Variants in GSR observed in about 807,000 individuals in gnomAD.
GSR encodes the protein glutathione-disulfide reductase, also known as glutathione reductase, mitochondrial.
Under a neutral mutation model 56.5 loss-of-function variants are expected in GSR, and 48 were observed. The ratio of observed to expected loss-of-function variants is 0.85; its 90% CI spans 0.67 to 1.08. The LOEUF is 1.08. Ranked by LOEUF, GSR falls within the 50% of genes least tolerant of loss-of-function variation. GSR has a pLI of 0.00. For missense variants in GSR, 694 were observed against 703.3 expected, an observed-to-expected ratio of 0.99 and a Z score of 0.15; for synonymous variants, 264 against 270.8, an observed-to-expected ratio of 0.97 and a Z score of 0.25.
At chr8:30,727,485 G>A (rs1411522339) in intron 1 of GSR, 45 bp downstream of exon 1, 1 of 1,504,014 alleles carries the variant, frequency 6.6e-7, no homozygotes, top group Non-Finnish European at 8.9e-7. Flanking sequence ...CCGAAAGACC[G>A]AGACAAAGAG....
Position 30,682,088 on chromosome 8 carries a change from T to C in GSR, c.1154-27A>G, listed in dbSNP as rs756744636. The stretch of plus-strand genomic sequence containing the variant: ...TATGGAGATATTTTAAAATCAGTGT[T>C]TATCTTACTGTCTGTTTTAACATAG... On this transcript the variant is annotated intron_variant, in intron 10 of 12. Coordinates refer to ENST00000221130, the MANE Select transcript of GSR (RefSeq NM_000637.5). 11 of 1,602,242 alleles carry C rather than the reference T, an allele frequency of 6.9e-6. No homozygotes were observed. In the South Asian group the frequency reaches 1.1e-4, roughly 16 times the overall value.
At chr8:30,711,641 G>A (rs948580739) in intron 2 of GSR, among the ~76,000 whole-genome samples, 1 of 152,068 alleles carries the variant, frequency 6.6e-6, no homozygotes, top group African/African-American at 2.4e-5. Flanking sequence ...AGACCAGCCT[G>A]GCCAACACGG....
intron 1 of GSR, among the ~76,000 whole-genome samples, chr8:30,718,245 G>A (rs535224790): frequency 7.2e-4 from 109 of 152,198 alleles, no homozygotes; most frequent in African/African-American, 2.2e-3. Context: ...AAAAAGGCTG[G>A]GGACTGCTGC....
At chr8:30,684,687 T>A (rs935412083) in intron 9 of GSR, among the ~76,000 whole-genome samples, 3 of 152,092 alleles carry the variant, frequency 2.0e-5, no homozygotes, top group Non-Finnish European at 4.4e-5. Flanking sequence ...TTTCAACTTG[T>A]CCCATGGAAG....
chr8:30,699,849 T>C (rs753649081), intron 6 of GSR, among the ~76,000 whole-genome samples: 1 of 152,156 alleles, frequency 6.6e-6, no homozygotes, highest in Non-Finnish European at 1.5e-5. Flanking sequence ...TGCTATGCAG[T>C]CTTCAAATTA....
At chr8:30,708,674 A>G (rs1233573429) in intron 3 of GSR, among the ~76,000 whole-genome samples, 1 of 152,082 alleles carries the variant, frequency 6.6e-6, no homozygotes, top group African/African-American at 2.4e-5. Context: ...AGGTAAAAAC[A>G]GGCCGGGCGC....
At position 30,710,112 on chromosome 8, in the gene GSR, TCGGGACCAGCC is replaced by T. The variant is rs1804078572; in HGVS notation, c.334-221_334-211del. On this transcript the variant is annotated intron_variant, in intron 2 of 12. Transcript: ENST00000221130. ...AGGTGGATCACTTGAGGTCAAGAGT[TCGGGACCAGCC>T]TGGCCAACATGGCAAAACCCCATCT... is the stretch of plus-strand genomic sequence containing the variant. Among the ~76,000 whole-genome samples, 6 of 151,942 alleles carry T rather than the reference TCGGGACCAGCC, an allele frequency of 3.9e-5. No homozygotes were observed. The South Asian group carries it at 1.0e-3, about 26-fold the overall frequency.
At chr8:30,691,798 C>A (rs1371428940) in intron 8 of GSR, among the ~76,000 whole-genome samples, 1 of 151,676 alleles carries the variant, frequency 6.6e-6, no homozygotes, top group Non-Finnish European at 1.5e-5. Flanking sequence ...GTTTTAAAAT[C>A]CAAATTTAAA....
At chr8:30,707,963 A>T in intron 4 of GSR, 109 bp downstream of exon 4, 1 of 673,644 alleles carries the variant, frequency 1.5e-6, no homozygotes. Flanking sequence ...TCTCCAAAAA[A>T]ATAATAATAA....
chr8:30,689,576 C>T (rs575298456), intron 8 of GSR, among the ~76,000 whole-genome samples: 3 of 151,996 alleles, frequency 2.0e-5, no homozygotes, highest in East Asian at 1.9e-4. Context: ...CATTGTAATG[C>T]CTCACTTTAA....
intron 6 of GSR, among the ~76,000 whole-genome samples, chr8:30,697,906 G>A (rs1171086802): frequency 1.3e-5 from 2 of 152,054 alleles, no homozygotes; most frequent in South Asian, 2.1e-4. Context: ...GCCTAGGCTG[G>A]TTTCAAACTC....
intron 1 of GSR, among the ~76,000 whole-genome samples, chr8:30,723,552 AGGCTGAGGCGGGT>A (rs1804620342): frequency 6.6e-6 from 1 of 152,046 alleles, no homozygotes; most frequent in South Asian, 2.1e-4. Context: ...GCACTTTGGG[AGGCTGAGGCGGGT>A]GGATCACTTT....
In GSR at chr8:30,679,570, T is replaced by G. The variant is rs1802870539; in HGVS notation, c.1519A>C (p.Thr507Pro). The G allele has an allele frequency of 1.9e-6, 3 of 1,614,128 alleles. No homozygotes were observed. Among genetic ancestry groups the G allele is most frequent in the Non-Finnish European group, 2.5e-6 (3 of 1,180,012 alleles). ...GAAGAGGTAGGGTGAATGGCGACTGTGTTGTCAAAGTCTGCCTTCGTTGCT... is the reference window on the plus strand; with the variant it reads ...GAAGAGGTAGGGTGAATGGCGACTGGGTTGTCAAAGTCTGCCTTCGTTGCT... ...MGATKADFDN[T>P]VAIHPTSSEE... The change falls in exon 13 of 13, where the codon ACA (threonine) becomes CCA (proline). Residue 507 changes from threonine to proline, a missense_variant. Transcript: ENST00000221130.
intron 2 of GSR, among the ~76,000 whole-genome samples, chr8:30,711,144 G>A (rs1804129333): frequency 6.6e-6 from 1 of 152,062 alleles, no homozygotes; most frequent in South Asian, 2.1e-4. Context: ...AAGACTTTTT[G>A]GAATTAAACT....
chr8:30,685,747 G>A (rs200062371), intron 9 of GSR, among the ~76,000 whole-genome samples: 2 of 151,874 alleles, frequency 1.3e-5, no homozygotes, highest in South Asian at 2.1e-4. Context: ...AGGCCAAGGC[G>A]GGCGGATCAC....
chr8:30,719,930 G>A (rs1408586816), intron 1 of GSR, among the ~76,000 whole-genome samples: 1 of 152,264 alleles, frequency 6.6e-6, no homozygotes, highest in South Asian at 2.1e-4. Flanking sequence ...GTGAACTTGC[G>A]GCTGGGTGTG....
chr8:30,680,964 T>C lies in GSR; in HGVS notation c.1359A>G (p.Ala453=), dbSNP rs1802933057. 3 of 1,612,606 alleles carry C rather than the reference T, an allele frequency of 1.9e-6. No homozygotes were observed. The highest frequency in any genetic ancestry group is 2.5e-6 in the Non-Finnish European group (3 of 1,178,646). ...YSTSFTPMYH[A]VTKRKTKCVM... ...CACATTTTGTTTTCCTTTTGGTAAC[T>C]GCGTGATACATCGGGGTAAAGCTCG... Residue 453 remains alanine, a synonymous_variant, in exon 12 of 13, where the codon GCA becomes GCG. Coordinates refer to ENST00000221130, the MANE Select transcript of GSR (RefSeq NM_000637.5).
rs533732113 is a variant in GSR at position 30,684,992 on chromosome 8, T to C, written c.1042-793A>G. 1.7e-4 allele frequency among the ~76,000 whole-genome samples: 25 copies of C among 149,516 alleles called. No individual in the cohort carries two copies. In the East Asian group the frequency reaches 3.5e-3, roughly 21 times the overall value. On this transcript the variant is annotated intron_variant, in intron 9 of 12. Coordinates refer to ENST00000221130, the MANE Select transcript of GSR (RefSeq NM_000637.5). ...TTATTTATTTATTTATTTATTGAGA[T>C]GGAGTCTCGCTCTGTCGCCCAGGCT... is the stretch of plus-strand genomic sequence containing the variant.
rs79692973 is a variant in GSR, at chr8:30,698,098, C to T, written c.696-1619G>A. ...GTATTCCACAAGGTTCATGCTCCATCCAAACAGAAGCCCCCTCAGTGCAAA... is the reference window on the plus strand; with the variant it reads ...GTATTCCACAAGGTTCATGCTCCATTCAAACAGAAGCCCCCTCAGTGCAAA... On this transcript the variant is annotated intron_variant, in intron 6 of 12. Transcript: ENST00000221130. Among the ~76,000 whole-genome samples the T allele has an allele frequency of 4.2e-3, 639 of 152,254 alleles. 6 individuals are homozygous for T. The highest frequency in any genetic ancestry group is 0.015 in the African/African-American group (608 of 41,540).
Sources: gnomAD v4.1 joint callset for allele counts (sites outside exome capture counted in the v4.1 genomes callset) on GRCh38, gnomAD v4.1.1 for gene constraint, MANE v1.5 for transcripts, NCBI Gene and HGNC (gene_info 2026-07-23, HGNC 2026-07-21) for gene names.